Variants in PSD3 observed in about 807,000 individuals in gnomAD.
The protein encoded by PSD3 is pleckstrin and Sec7 domain containing 3.
A neutral mutation model predicts 105.5 loss-of-function variants in PSD3; 49 were observed. The observed-to-expected ratio is 0.46, with a 90% CI of 0.37 to 0.59. PSD3 has a LOEUF of 0.59. PSD3 is among the 20% of genes least tolerant of loss of function. The pLI, the probability that PSD3 is intolerant of heterozygous loss-of-function variation, is 0.00. For missense variants in PSD3, 1,561 were observed against 1,263.8 expected, an observed-to-expected ratio of 1.24 and a Z score of -3.57; for synonymous variants, 557 against 457.8, an observed-to-expected ratio of 1.22 and a Z score of -2.77.
At chr8:18,633,160 T>C (rs1465030754) in intron 10 of PSD3, among the ~76,000 whole-genome samples, 2 of 152,086 alleles carry the variant, frequency 1.3e-5, no homozygotes, top group Admixed American at 1.3e-4. Context: ...TTCATGTTTG[T>C]CTTCTTTCAA....
intron 10 of PSD3, among the ~76,000 whole-genome samples, chr8:18,649,711 C>G (rs1163741944): frequency 6.6e-6 from 1 of 152,092 alleles, no homozygotes; most frequent in Non-Finnish European, 1.5e-5. Flanking sequence ...AATTGTAATC[C>G]CCACTGTTGG....
chr8:18,857,008 C>T (rs886840436), intron 4 of PSD3, among the ~76,000 whole-genome samples: 2 of 152,322 alleles, frequency 1.3e-5, no homozygotes, highest in African/African-American at 4.8e-5. Flanking sequence ...ACCAACCATA[C>T]GTTTCCTAAG....
At chr8:18,792,961 T>G (rs1160498965) in intron 8 of PSD3, among the ~76,000 whole-genome samples, 2 of 152,012 alleles carry the variant, frequency 1.3e-5, no homozygotes, top group Admixed American at 6.5e-5. Flanking sequence ...ATTAAGAAAA[T>G]GTGGCACATA....
At chr8:18,941,637 C>A (rs1822545990) in intron 1 of PSD3, among the ~76,000 whole-genome samples, 1 of 147,222 alleles carries the variant, frequency 6.8e-6, no homozygotes, top group Non-Finnish European at 1.5e-5. Flanking sequence ...ATTTTAGACA[C>A]AAGATAAGCA....
intron 9 of PSD3, among the ~76,000 whole-genome samples, chr8:18,758,556 A>T (rs1806252722): frequency 6.6e-6 from 1 of 151,612 alleles, no homozygotes; most frequent in Non-Finnish European, 1.5e-5. Context: ...CTTTACCCTT[A>T]TATACAGCTG....
intron 1 of PSD3, among the ~76,000 whole-genome samples, chr8:18,982,332 A>G (rs1419746803): frequency 6.6e-6 from 1 of 152,050 alleles, no homozygotes; most frequent in Non-Finnish European, 1.5e-5. Context: ...TCTTGAACTC[A>G]CCCCTAAAGT....
intron 2 of PSD3, among the ~76,000 whole-genome samples, chr8:18,933,937 T>C (rs1319751130): frequency 6.6e-5 from 10 of 152,220 alleles, no homozygotes; most frequent in Non-Finnish European, 1.3e-4. Context: ...ATAAGAGATA[T>C]ACTACGAAAC....
At chr8:18,539,432 G>A (rs558939365) in intron 15 of PSD3, among the ~76,000 whole-genome samples, 1 of 152,056 alleles carries the variant, frequency 6.6e-6, no homozygotes, top group Non-Finnish European at 1.5e-5. Flanking sequence ...CTTCCTTTCA[G>A]AGAAGATGTG....
At chr8:18,924,920 G>A (rs1821264783) in intron 2 of PSD3, 1 of 152,168 alleles carries the variant, frequency 6.6e-6, no homozygotes, top group African/African-American at 2.4e-5. Flanking sequence ...TTAGGCAATG[G>A]TTTCTAAGAC....
At chr8:18,578,902 A>C (rs2130387669) in intron 12 of PSD3, among the ~76,000 whole-genome samples, 1 of 152,214 alleles carries the variant, frequency 6.6e-6, no homozygotes, top group Non-Finnish European at 1.5e-5. Context: ...GAAGGAGAAC[A>C]CTATATACGG....
intron 1 of PSD3, among the ~76,000 whole-genome samples, chr8:19,046,083 T>C (rs982302745): frequency 1.3e-5 from 2 of 152,112 alleles, no homozygotes; most frequent in Admixed American, 1.3e-4. Flanking sequence ...AAACATTGTA[T>C]AGAACAAGGG....
chr8:18,599,366 C>T (rs904255559), intron 12 of PSD3, among the ~76,000 whole-genome samples: 3 of 152,098 alleles, frequency 2.0e-5, no homozygotes, highest in African/African-American at 7.2e-5. Flanking sequence ...AAAACAGAAC[C>T]ATATGACCCC....
intron 1 of PSD3, among the ~76,000 whole-genome samples, chr8:18,992,479 T>C (rs187434440): frequency 9.9e-5 from 15 of 152,274 alleles, no homozygotes; most frequent in Admixed American, 9.2e-4. Context: ...TCCTTTCTTA[T>C]CCTTTCAATA....
In PSD3 at chr8:18,532,772, AG is replaced by A. The variant is rs1458673562; in HGVS notation, c.*2970del. 2 of 152,212 alleles carry A rather than the reference AG, an allele frequency of 1.3e-5. No individual in the cohort carries two copies. Among genetic ancestry groups the A allele is most frequent in the African/African-American group, 4.8e-5 (2 of 41,452 alleles). The allele number at this position is 152,212 out of a possible 1,614,324, so 9.4% of individuals were successfully genotyped here. On this transcript the variant is annotated 3_prime_UTR_variant, in exon 16 of 16. Transcript: ENST00000327040. ...TCCCAGACACCTCCCTGTAAAAGCCAGCATGCGAGGTGGGGACAAACCCCTA... is the reference window on the plus strand; with the variant it reads ...TCCCAGACACCTCCCTGTAAAAGCCACATGCGAGGTGGGGACAAACCCCTA...
At chr8:18,662,139 T>C (rs1809393543) in intron 9 of PSD3, among the ~76,000 whole-genome samples, 1 of 152,164 alleles carries the variant, frequency 6.6e-6, no homozygotes, top group African/African-American at 2.4e-5. Context: ...TAACCATGAA[T>C]AGATGTCCCA....
intron 9 of PSD3, among the ~76,000 whole-genome samples, chr8:18,681,434 T>C (rs1450206055): frequency 7.2e-6 from 1 of 138,426 alleles, no homozygotes; most frequent in Non-Finnish European, 1.5e-5. Context: ...TACTGAGACA[T>C]TGTTTCTGTT....
At chr8:19,039,770 G>T (rs73666800) in intron 1 of PSD3, among the ~76,000 whole-genome samples, 9,320 of 152,204 alleles carry the variant, frequency 0.061, 956 homozygotes, top group African/African-American at 0.21. Context: ...TCTCATTAAT[G>T]TATATTCACA....
intron 9 of PSD3, among the ~76,000 whole-genome samples, chr8:18,679,376 G>A (rs142928223): frequency 6.6e-6 from 1 of 152,188 alleles, no homozygotes; most frequent in Non-Finnish European, 1.5e-5. Context: ...ATTGCAACAC[G>A]TTTTTAAAAA....
At chr8:18,827,203 A>G (rs1331135533) in intron 4 of PSD3, among the ~76,000 whole-genome samples, 2 of 152,206 alleles carry the variant, frequency 1.3e-5, no homozygotes, top group Admixed American at 6.5e-5. Context: ...ACAGAAAACT[A>G]TATGCAAGAC....
Sources: allele counts gnomAD v4.1 joint callset (sites outside exome capture counted in the v4.1 genomes callset), GRCh38; gene constraint gnomAD v4.1.1; transcripts MANE v1.5; gene names NCBI Gene and HGNC (gene_info 2026-07-23, HGNC 2026-07-21).